Variants in RYR2 observed in about 807,000 individuals in gnomAD.
The protein encoded by RYR2 is cardiac muscle ryanodine receptor-calcium release channel.
A neutral mutation model predicts 601.1 loss-of-function variants in RYR2; 227 were observed. The observed-to-expected ratio is 0.38, with a 90% CI of 0.34 to 0.42. RYR2 has a LOEUF of 0.42. Ranked by LOEUF, RYR2 falls within the 10% of genes least tolerant of loss-of-function variation. The probability of loss-of-function intolerance (pLI) is 1.00; values close to 1 mark genes in which losing one functional copy is unlikely to be tolerated. For missense variants in RYR2, 4,646 were observed against 6,156.5 expected, an observed-to-expected ratio of 0.75 and a Z score of 8.21; for synonymous variants, 2,223 against 2,175.1, an observed-to-expected ratio of 1.02 and a Z score of -0.61.
At chr1:237,122,078 C>T (rs977215472) in intron 1 of RYR2, among the ~76,000 whole-genome samples, 2 of 152,092 alleles carry the variant, frequency 1.3e-5, no homozygotes, top group Non-Finnish European at 2.9e-5. Flanking sequence ...GAATAAGGAC[C>T]ATAGATAATA....
chr1:237,056,934 C>T (rs1489899408), intron 1 of RYR2, among the ~76,000 whole-genome samples: 2 of 152,194 alleles, frequency 1.3e-5, no homozygotes, highest in African/African-American at 4.8e-5. Flanking sequence ...GACTCTGGGC[C>T]TCCAGAGCTG....
At position 237,177,972 on chromosome 1, in the gene RYR2, G is replaced by C. The variant is rs114615422; in HGVS notation, c.49-92525G>C. 6.0e-3 allele frequency among the ~76,000 whole-genome samples: 915 copies of C among 152,298 alleles called. 9 individuals are homozygous for C. Among genetic ancestry groups the C allele is most frequent in the South Asian group, 0.033 (159 of 4,832 alleles). Reference sequence around the variant, plus strand: ...ATAAGACAATGCCAAATGTCTTCCAGAGTTTTCCAATGCATGCTCTCAGTG... The same window carrying C: ...ATAAGACAATGCCAAATGTCTTCCACAGTTTTCCAATGCATGCTCTCAGTG... On this transcript the variant is annotated intron_variant, in intron 1 of 104. Transcript: ENST00000366574.
chr1:237,583,731 G>A (rs764902424), intron 29 of RYR2, among the ~76,000 whole-genome samples: 9 of 152,210 alleles, frequency 5.9e-5, no homozygotes, highest in Middle Eastern at 3.4e-3. Context: ...AAGCTGGTAC[G>A]CTTGTGATCT....
chr1:237,270,760 C>T (rs1464912620), intron 2 of RYR2, 144 bp downstream of exon 2: 1 of 956,180 alleles, frequency 1.0e-6, no homozygotes, highest in African/African-American at 1.7e-5. Flanking sequence ...CTCCATTTTG[C>T]TGATTTTTAA....
In RYR2 at chr1:237,784,264, G is replaced by A. The variant is rs1300867476; in HGVS notation, c.12552G>A (p.Glu4184=). ...FDVVNEGGEK[E]KMELFVNFCE... ...TGGTCAACGAAGGCGGAGAGAAAGA[G>A]AAGATGGAACTCTTTGTGAACTTCT... The change falls in exon 90 of 105, where the codon GAG becomes GAA. Residue 4184 remains glutamate, a synonymous_variant. Transcript: ENST00000366574. This position sits in a 1 kb window ranked among gnomAD's most constrained non-coding sequence, Gnocchi z 7.1. 9.3e-6 allele frequency: 15 copies of A among 1,613,862 alleles called. No homozygotes were observed. Among genetic ancestry groups the A allele is most frequent in the Non-Finnish European group, 1.3e-5 (15 of 1,179,898 alleles).
intron 62 of RYR2, among the ~76,000 whole-genome samples, chr1:237,685,097 A>G (rs1686264138): frequency 1.3e-5 from 2 of 152,316 alleles, no homozygotes; most frequent in South Asian, 4.1e-4. Context: ...TTAGTACAAG[A>G]CAATGAGTAA....
intron 1 of RYR2, among the ~76,000 whole-genome samples, chr1:237,051,438 A>T (rs1661273294): frequency 6.6e-6 from 1 of 150,756 alleles, no homozygotes. Context: ...ACAAACCTGT[A>T]CCATCTCAGC....
rs771168005 is a variant in RYR2 at position 237,374,699 on chromosome 1, TG to T, written c.385-17del. 35 of 1,598,314 alleles carry T rather than the reference TG, an allele frequency of 2.2e-5. No homozygotes were observed. The highest frequency in any genetic ancestry group is 2.8e-5 in the Non-Finnish European group (33 of 1,168,724). ...GAACAAAACCTCTACTTACAACTAC[TG>T]ATTTTGTACTTTGTAGTATCTGTGC... On this transcript the variant is annotated splice_polypyrimidine_tract_variant and intron_variant, in intron 6 of 104. Coordinates refer to ENST00000366574, the MANE Select transcript of RYR2 (RefSeq NM_001035.3).
intron 71 of RYR2, among the ~76,000 whole-genome samples, chr1:237,716,467 A>G (rs1355265504): frequency 2.0e-5 from 3 of 152,192 alleles, no homozygotes; most frequent in Admixed American, 6.5e-5. Context: ...TTGACATTAG[A>G]ACATGCCATC....
At position 237,117,541 on chromosome 1, in the gene RYR2, C is replaced by T. The variant is rs568343370; in HGVS notation, c.48+74972C>T. Among the ~76,000 whole-genome samples the T allele has an allele frequency of 4.6e-5, 7 of 152,222 alleles. No homozygotes were observed. In the South Asian group the frequency reaches 1.5e-3, roughly 32 times the overall value. On this transcript the variant is annotated intron_variant, in intron 1 of 104. Transcript: ENST00000366574. ...TCATGCCCTGGACTGAGATACTGGC[C>T]ATCATTAGGAGGAGTTAGAGTCCAT...
At chr1:237,237,354 A>G (rs1264227257) in intron 1 of RYR2, among the ~76,000 whole-genome samples, 1 of 152,230 alleles carries the variant, frequency 6.6e-6, no homozygotes, top group South Asian at 2.1e-4. Flanking sequence ...GATGAATATA[A>G]ATGAATAATA....
At chr1:237,587,476 A>T (rs953311428) in intron 29 of RYR2, among the ~76,000 whole-genome samples, 1 of 152,218 alleles carries the variant, frequency 6.6e-6, no homozygotes, top group Non-Finnish European at 1.5e-5. Flanking sequence ...CACTATTCTG[A>T]AGCTTTTAAA....
intron 22 of RYR2, among the ~76,000 whole-genome samples, chr1:237,503,959 T>C (rs1213741727): frequency 2.0e-5 from 3 of 152,194 alleles, no homozygotes; most frequent in Non-Finnish European, 4.4e-5. Context: ...CCACCCGCTT[T>C]GGCCTCCCAA....
chr1:237,535,624 C>G (rs1243673327), intron 25 of RYR2, among the ~76,000 whole-genome samples: 2 of 151,814 alleles, frequency 1.3e-5, no homozygotes, highest in Non-Finnish European at 2.9e-5. Flanking sequence ...ATATCAAAGC[C>G]CAGATCAAGA....
chr1:237,632,389 C>CT (rs11448751), intron 42 of RYR2, among the ~76,000 whole-genome samples: 8,244 of 125,400 alleles, frequency 0.066, 582 homozygotes, highest in East Asian at 0.23. Flanking sequence ...AAAGTGAATT[C>CT]TTTTTTTTTT....
At position 237,591,847 on chromosome 1, in the gene RYR2, G is replaced by A. The variant is rs1342902406; in HGVS notation, c.4269G>A (p.Thr1423=). 2.8e-5 allele frequency: 45 copies of A among 1,611,262 alleles called. No homozygotes were observed. Among genetic ancestry groups the A allele is most frequent in the Non-Finnish European group, 3.4e-5 (40 of 1,178,492 alleles). The part of the protein sequence containing the change: ...DRDDYDFLMQ[T]STYYYSVRIF... ...ATGACTATGATTTCTTGATGCAAAC[G>A]TCCACGGTATGAGGTTGCAGCTTTT... The change falls in exon 32 of 105, where the codon ACG becomes ACA. Residue 1423 remains threonine (T), a synonymous_variant. Coordinates refer to ENST00000366574, the MANE Select transcript of RYR2 (RefSeq NM_001035.3).
rs527384428 is a variant in RYR2, at chr1:237,797,990, T to C, written c.13957-47T>C. On this transcript the variant is annotated intron_variant, in intron 96 of 104. Coordinates refer to ENST00000366574, the MANE Select transcript of RYR2 (RefSeq NM_001035.3). ...GTTTTATACACACATATAGATGATGTTACTTAATGGTTGAAGCCAACAAAA... is the reference window on the plus strand; with the variant it reads ...GTTTTATACACACATATAGATGATGCTACTTAATGGTTGAAGCCAACAAAA... 57 of 1,529,452 alleles carry C rather than the reference T, an allele frequency of 3.7e-5. No homozygotes were observed. The East Asian group carries it at 1.2e-3, about 32-fold the overall frequency. 94.7% of individuals were successfully genotyped at this position (1,529,452 alleles called of 1,614,324 possible).
At chr1:237,709,389 CA>C in intron 69 of RYR2, 90 bp from the exon 70 acceptor site, 1 of 826,942 alleles carries the variant, frequency 1.2e-6, no homozygotes. Flanking sequence ...GCTCTGTGGT[CA>C]GTACATTTAA....
At chr1:237,209,086 G>GTATACATGTGTTACAGCACACATAATGAT (rs1682254874) in intron 1 of RYR2, among the ~76,000 whole-genome samples, 1 of 146,894 alleles carries the variant, frequency 6.8e-6, no homozygotes, top group Non-Finnish European at 1.5e-5. Flanking sequence ...AAAAATATAG[G>GTATACATGTGTTACAGCACACATAATGAT]TATACATGTG....
Sources: gnomAD v4.1 joint callset for allele counts (sites outside exome capture counted in the v4.1 genomes callset) on GRCh38, gnomAD v4.1.1 for gene constraint, Gnocchi (gnomAD v3.1) non-coding constraint, MANE v1.5 for transcripts, NCBI Gene and HGNC (gene_info 2026-07-23, HGNC 2026-07-21) for gene names.